The following CACNA2D3 variants were observed in gnomAD, a reference collection of about 807,000 sequenced individuals.
CACNA2D3 encodes the protein voltage-dependent calcium channel subunit alpha-2/delta-3.
CACNA2D3 carries 60 observed loss-of-function variants against 160.6 expected under a neutral mutation model. That is an observed-to-expected ratio of 0.37 (90% CI 0.30 to 0.46). The LOEUF (loss-of-function observed/expected upper bound fraction) is 0.46, where lower values mean the gene tolerates loss of function less well. CACNA2D3 is among the 20% of genes least tolerant of loss of function. The probability of loss-of-function intolerance (pLI) is 1.00; values close to 1 mark genes in which losing one functional copy is unlikely to be tolerated. For missense variants in CACNA2D3, 1,205 were observed against 1,365.0 expected (o/e 0.88, Z 1.85); for synonymous variants, 558 against 492.9 (o/e 1.13, Z -1.75).
At chr3:54,380,606 C>T (rs188475592) in intron 3 of CACNA2D3, among the ~76,000 whole-genome samples, 45 of 152,130 alleles carry the variant, frequency 3.0e-4, no homozygotes, top group East Asian at 2.5e-3. Context: ...GGCATGGTAG[C>T]GGGCACCTGT....
Position 54,123,095 on chromosome 3 carries a change from A to G in CACNA2D3, c.122+260A>G, listed in dbSNP as rs370861922. The stretch of plus-strand genomic sequence containing the variant: ...ACCAACTTTGGAGCCTGGTTACCGA[A>G]TCCAACTTCCATGGGCCGCTGAATT... On this transcript the variant is annotated intron_variant, in intron 1 of 37. Transcript: ENST00000474759. Among the ~76,000 whole-genome samples, 39 of 152,236 alleles carry G rather than the reference A, an allele frequency of 2.6e-4. No homozygotes were observed. In the East Asian group the frequency reaches 5.6e-3, roughly 22 times the overall value.
intron 13 of CACNA2D3, among the ~76,000 whole-genome samples, chr3:54,793,997 T>A (rs932652518): frequency 1.3e-5 from 2 of 152,194 alleles, no homozygotes; most frequent in African/African-American, 2.4e-5. Context: ...AGTTATTGAT[T>A]TATTGGCATA....
chr3:54,663,267 CT>C (rs1700003785), intron 11 of CACNA2D3, among the ~76,000 whole-genome samples: 1 of 152,164 alleles, frequency 6.6e-6, no homozygotes. Flanking sequence ...GTGGGAAGAT[CT>C]GTGGATGTTG....
chr3:54,641,131 C>T (rs751587543), intron 10 of CACNA2D3, among the ~76,000 whole-genome samples: 1 of 151,926 alleles, frequency 6.6e-6, no homozygotes, highest in African/African-American at 2.4e-5. Flanking sequence ...GGTGCAGCCT[C>T]AAGGGGTCCT....
rs138729006 is a variant in CACNA2D3, at chr3:54,465,208, T to C, written c.382-38284T>C. On this transcript the variant is annotated intron_variant, in intron 4 of 37. Coordinates refer to ENST00000474759, the MANE Select transcript of CACNA2D3 (RefSeq NM_018398.3). ...TTTCCAAGATTTTTTTAATGAAATC[T>C]AAATCATTGTTGAATGTTTCCTTCA... 6.8e-3 allele frequency among the ~76,000 whole-genome samples: 1,041 copies of C among 152,200 alleles called. 14 individuals carry two copies. Among genetic ancestry groups the C allele is most frequent in the African/African-American group, 0.024 (999 of 41,492 alleles).
chr3:54,225,138 G>A (rs1417332835), intron 2 of CACNA2D3, among the ~76,000 whole-genome samples: 4 of 151,300 alleles, frequency 2.6e-5, no homozygotes, highest in Non-Finnish European at 5.9e-5. Context: ...AGTGTGTGAT[G>A]TTCCCCTTCC....
In CACNA2D3 at chr3:54,232,462, C is replaced by A. The variant is rs144913271; in HGVS notation, c.205-87980C>A. On this transcript the variant is annotated intron_variant, in intron 2 of 37. Coordinates refer to ENST00000474759, the MANE Select transcript of CACNA2D3 (RefSeq NM_018398.3). ...GGCCCTGGGCTAAGAACCTCATGTG[C>A]ATAATATTAATTTTAATAACACAAC... 1.2e-3 allele frequency among the ~76,000 whole-genome samples: 186 copies of A among 152,246 alleles called. 1 individual carries two copies. The highest frequency in any genetic ancestry group is 3.4e-3 in the Middle Eastern group (1 of 294).
At chr3:54,902,384 A>G (rs920150223) in intron 27 of CACNA2D3, among the ~76,000 whole-genome samples, 3 of 152,074 alleles carry the variant, frequency 2.0e-5, no homozygotes, top group Non-Finnish European at 2.9e-5. Context: ...TCATCTGTCA[A>G]TGACACCTTT....
chr3:54,729,726 A>G (rs1198992421), intron 11 of CACNA2D3, among the ~76,000 whole-genome samples: 1 of 152,150 alleles, frequency 6.6e-6, no homozygotes, highest in African/African-American at 2.4e-5. Flanking sequence ...TGGGCTGGGC[A>G]TGGTGGCTCA....
intron 5 of CACNA2D3, among the ~76,000 whole-genome samples, chr3:54,539,841 G>A (rs112712386): frequency 6.6e-6 from 1 of 152,160 alleles, no homozygotes; most frequent in Admixed American, 6.5e-5. Flanking sequence ...TATTCTCTGC[G>A]CCAGCCAGTT....
chr3:54,601,304 A>C (rs543598861), intron 9 of CACNA2D3, among the ~76,000 whole-genome samples: 1 of 152,146 alleles, frequency 6.6e-6, no homozygotes, highest in African/African-American at 2.4e-5. Context: ...CCTGGTCTCA[A>C]AGGATCCTCC....
At chr3:54,344,870 T>G (rs1054864181) in intron 3 of CACNA2D3, among the ~76,000 whole-genome samples, 1 of 151,986 alleles carries the variant, frequency 6.6e-6, no homozygotes, top group African/African-American at 2.4e-5. Flanking sequence ...AAAATACAGG[T>G]CATAAAGACC....
chr3:54,361,644 A>G (rs1698744948), intron 3 of CACNA2D3, among the ~76,000 whole-genome samples: 1 of 152,236 alleles, frequency 6.6e-6, no homozygotes, highest in Non-Finnish European at 1.5e-5. Flanking sequence ...GCAGCTGTAG[A>G]TGATTTTTAA....
intron 11 of CACNA2D3, among the ~76,000 whole-genome samples, chr3:54,649,311 C>A (rs1699714721): frequency 6.6e-6 from 1 of 152,072 alleles, no homozygotes; most frequent in Non-Finnish European, 1.5e-5. Context: ...CTTGACTGCC[C>A]CTTGAACCTG....
chr3:54,898,193 TTTC>T (rs1286955238), intron 26 of CACNA2D3, among the ~76,000 whole-genome samples: 11 of 134,014 alleles, frequency 8.2e-5, no homozygotes, highest in African/African-American at 2.8e-4. Flanking sequence ...TTTCTTTTCT[TTTC>T]CTCTCTCTCT....
chr3:55,034,266 C>T (rs1472928449), intron 35 of CACNA2D3, among the ~76,000 whole-genome samples: 1 of 151,832 alleles, frequency 6.6e-6, no homozygotes, highest in Non-Finnish European at 1.5e-5. Flanking sequence ...GATGGAATAT[C>T]ATTGTTGTCT....
At chr3:54,795,034 A>G (rs1340628080) in intron 13 of CACNA2D3, among the ~76,000 whole-genome samples, 3 of 151,994 alleles carry the variant, frequency 2.0e-5, no homozygotes, top group African/African-American at 7.2e-5. Context: ...CTGCACATTT[A>G]TTCATCTACT....
chr3:55,049,394 TC>T (rs1704136360), intron 35 of CACNA2D3, among the ~76,000 whole-genome samples: 2 of 138,488 alleles, frequency 1.4e-5, no homozygotes, highest in Non-Finnish European at 3.0e-5. Flanking sequence ...TTGTTCAGTT[TC>T]CATGTAGTTG....
chr3:54,699,732 T>C (rs748571913), intron 11 of CACNA2D3, among the ~76,000 whole-genome samples: 1 of 152,180 alleles, frequency 6.6e-6, no homozygotes, highest in Admixed American at 6.5e-5. Context: ...CCTCCGTTTG[T>C]AGCCTATATA....
Sources: allele counts gnomAD v4.1 joint callset (sites outside exome capture counted in the v4.1 genomes callset), GRCh38; gene constraint gnomAD v4.1.1; transcripts MANE v1.5; gene names NCBI Gene and HGNC (gene_info 2026-07-23, HGNC 2026-07-21).